PINK1: variants seen among roughly 807,000 people sequenced by gnomAD.
PINK1 encodes PTEN induced kinase 1, also known as serine/threonine-protein kinase PINK1, mitochondrial.
A neutral mutation model predicts 56.0 loss-of-function variants in PINK1; 58 were observed. The ratio of observed to expected loss-of-function variants is 1.04; its 90% CI spans 0.84 to 1.29. The LOEUF (loss-of-function observed/expected upper bound fraction) is 1.29, where lower values mean the gene tolerates loss of function less well. Among genes scored for constraint, PINK1 ranks in the 50% most tolerant of loss-of-function variants. The probability of loss-of-function intolerance (pLI) is 0.00; values close to 1 mark genes in which losing one functional copy is unlikely to be tolerated. For synonymous variants in PINK1, 354 were observed against 339.3 expected (o/e 1.04, Z -0.48); for missense variants, 745 against 777.9 (o/e 0.96, Z 0.50).
At chr1:20,643,518 T>C (rs931610742) in intron 3 of PINK1, among the ~76,000 whole-genome samples, 1 of 152,242 alleles carries the variant, frequency 6.6e-6, no homozygotes, top group Non-Finnish European at 1.5e-5. Context: ...CAGTCCTTGC[T>C]CTTAGGGAGC....
In PINK1 at chr1:20,650,784, A is replaced by AAGAC; in HGVS notation, c.*96_*99dup. 6.6e-7 allele frequency: 1 copy of AAGAC among 1,519,710 alleles called. No individual in the cohort carries two copies. The highest frequency in any genetic ancestry group is 2.4e-5 in the East Asian group (1 of 41,858). 94.1% of individuals were successfully genotyped at this position (1,519,710 alleles called of 1,614,324 possible). A position where few individuals can be genotyped will look rare whatever the true frequency, so the allele number is the denominator to read the frequency against. On this transcript the variant is annotated 3_prime_UTR_variant, in exon 8 of 8. Coordinates refer to ENST00000321556, the MANE Select transcript of PINK1 (RefSeq NM_032409.3). Reference sequence around the variant, plus strand: ...ATGGTGAGGGTGGGAGTCAGGAGACAAGACAGCGCAGAGAGGGCTGGTTAG... The same window carrying AAGAC: ...ATGGTGAGGGTGGGAGTCAGGAGACAAGACAGACAGCGCAGAGAGGGCTGGTTAG...
intron 7 of PINK1, 81 bp downstream of exon 7, chr1:20,649,312 C>T: frequency 7.0e-7 from 1 of 1,419,190 alleles, no homozygotes; most frequent in Non-Finnish European, 9.9e-7. Flanking sequence ...AGGTTTGGGC[C>T]AGAGCCACAG....
chr1:20,647,217 C>T (rs59345313), intron 5 of PINK1, among the ~76,000 whole-genome samples: 78 of 151,688 alleles, frequency 5.1e-4, no homozygotes, highest in Middle Eastern at 3.4e-3. Context: ...CCACCACGCC[C>T]GGCTAATTTT....
chr1:20,648,654 C>T (rs373068586), intron 6 of PINK1, 22 bp downstream of exon 6: 65 of 1,612,240 alleles, frequency 4.0e-5, no homozygotes, highest in African/African-American at 1.7e-4. Flanking sequence ...GTGTGTCATG[C>T]GCCATCGGCA....
Position 20,644,357 on chromosome 1 carries a change from C to T in PINK1, c.777-133C>T, listed in dbSNP as rs531972491. ...ACCATGTACAGTACCTGGCACATAG[C>T]AAATCTATGATAAACATTTGATAGT... is the stretch of plus-strand genomic sequence containing the variant. On this transcript the variant is annotated intron_variant, in intron 3 of 7. Coordinates refer to ENST00000321556, the MANE Select transcript of PINK1 (RefSeq NM_032409.3). The T allele has an allele frequency of 5.3e-4, 593 of 1,115,778 alleles. 5 individuals are homozygous for T. The highest frequency in any genetic ancestry group is 4.7e-3 in the South Asian group (378 of 80,196). 69.1% of individuals were successfully genotyped at this position (1,115,778 alleles called of 1,614,324 possible). A position where few individuals can be genotyped will look rare whatever the true frequency, so the allele number is the denominator to read the frequency against.
In PINK1 at chr1:20,645,618, G is replaced by A. The variant is rs3738136; in HGVS notation, c.1018G>A (p.Ala340Thr). The A allele has an allele frequency of 0.064, 103,422 of 1,613,752 alleles. 5,875 individuals are homozygous for A. Among genetic ancestry groups the A allele is most frequent in the East Asian group, 0.26 (11,561 of 44,820 alleles). Residue 340 changes from alanine to threonine, a missense_variant, in exon 5 of 8, where the codon GCC becomes ACC. Transcript: ENST00000321556. ...GAACACACCCAGCCCCCGCCTCGCC[G>A]CCATGATGCTGCTGCAGCTGCTGGA... ...CVNTPSPRLA[A>T]MMLLQLLEGV... is the part of the protein sequence containing the mutation.
intron 7 of PINK1, chr1:20,649,551 G>A (rs2053237921): frequency 6.0e-6 from 2 of 334,536 alleles, no homozygotes; most frequent in South Asian, 6.3e-5. Context: ...GATCACTTGG[G>A]ACCAGGAGTT....
Position 20,651,270 on chromosome 1 carries a change from CCTCT to C in PINK1, c.*582_*585del, listed in dbSNP as rs1396417183. ...ACTTGAGGGTTTCCCTCCTGACTAGCCTCTCTTACAGGAATTGTGAAATATTAAA... is the reference window on the plus strand; with the variant it reads ...ACTTGAGGGTTTCCCTCCTGACTAGCCTTACAGGAATTGTGAAATATTAAA... On this transcript the variant is annotated 3_prime_UTR_variant, in exon 8 of 8. Coordinates refer to ENST00000321556, the MANE Select transcript of PINK1 (RefSeq NM_032409.3). 1.3e-4 allele frequency: 21 copies of C among 165,594 alleles called. No homozygotes were observed. In the East Asian group the frequency reaches 3.0e-3, roughly 24 times the overall value. The allele number at this position is 165,594 out of a possible 1,614,324, so 10.3% of individuals were successfully genotyped here.
rs1266466849 is a variant in PINK1, at chr1:20,648,974, TCACC to T, written c.1252-17_1252-14del. On this transcript the variant is annotated splice_polypyrimidine_tract_variant and intron_variant, in intron 6 of 7. Coordinates refer to ENST00000321556, the MANE Select transcript of PINK1 (RefSeq NM_032409.3). ...TTAGATGGGCGGGCAGCGTGATGTC[TCACC>T]CACTGCTTCTGAGCAGGTGTCCACG... 1.2e-6 allele frequency: 2 copies of T among 1,609,634 alleles called. No homozygotes were observed. Among genetic ancestry groups the T allele is most frequent in the Admixed American group, 3.3e-5 (2 of 60,024 alleles).
At chr1:20,645,766 AGG>A in intron 5 of PINK1, 43 bp downstream of exon 5, 2 of 1,612,942 alleles carry the variant, frequency 1.2e-6, no homozygotes, top group East Asian at 4.5e-5. Flanking sequence ...GGGGCACTAG[AGG>A]GTGGGTCAGG....
Position 20,645,572 on chromosome 1 carries a change from C to T in PINK1, c.972C>T (p.Thr324=), listed in dbSNP as rs1373061240. The T allele has an allele frequency of 1.9e-6, 3 of 1,613,732 alleles. No homozygotes were observed. In the African/African-American group the frequency reaches 4.0e-5, roughly 22 times the overall value. The part of the protein sequence containing the change: ...LFLVMKNYPC[T]LRQYLCVNTP... ...CCCTCTCCGCCAGCTATCCCTGTAC[C>T]CTGCGCCAGTACCTTTGTGTGAACA... The change falls in exon 5 of 8, where the codon ACC becomes ACT. Residue 324 remains threonine, a synonymous_variant. Coordinates refer to ENST00000321556, the MANE Select transcript of PINK1 (RefSeq NM_032409.3).
chr1:20,637,464 G>T (rs1163861211), intron 1 of PINK1, among the ~76,000 whole-genome samples: 1 of 152,162 alleles, frequency 6.6e-6, no homozygotes, highest in African/African-American at 2.4e-5. Context: ...CCTGCTAGTT[G>T]CCCAGGAGCC....
Position 20,639,968 on chromosome 1 carries a change from G to A in PINK1, c.752G>A (p.Gly251Glu), listed in dbSNP as rs763628949. The A allele has an allele frequency of 1.2e-6, 2 of 1,611,266 alleles. No homozygotes were observed. The highest frequency in any genetic ancestry group is 3.3e-5 in the Admixed American group (2 of 59,786). The change falls in exon 3 of 8, where the codon GGG (glycine) becomes GAG (glutamate). Residue 251 changes from glycine to glutamate, a missense_variant. Gly to Glu is a moderately conservative substitution (Grantham distance 98, BLOSUM62 -2). Transcript: ENST00000321556. ...LVPASRVALA[G>E]EYGAVTYRKS... is the part of the protein sequence containing the mutation. ...CCAGCGAGCCGAGTGGCCTTGGCTGGGGAGTATGGAGCAGTCACTTACAGG... is the reference window on the plus strand; with the variant it reads ...CCAGCGAGCCGAGTGGCCTTGGCTGAGGAGTATGGAGCAGTCACTTACAGG...
chr1:20,647,671 A>G (rs556266039), intron 5 of PINK1, among the ~76,000 whole-genome samples: 1 of 150,694 alleles, frequency 6.6e-6, no homozygotes, highest in Admixed American at 6.6e-5. Context: ...GGGTTTCACC[A>G]TGTTGGTCAG....
chr1:20,642,189 C>T (rs2053122678), intron 3 of PINK1, among the ~76,000 whole-genome samples: 1 of 152,184 alleles, frequency 6.6e-6, no homozygotes, highest in Non-Finnish European at 1.5e-5. Context: ...TAGGCTCTGC[C>T]CCATTCGCTT....
Position 20,650,586 on chromosome 1 carries a change from G to A in PINK1, c.1641G>A (p.Lys547=), listed in dbSNP as rs1192758278. Residue 547 remains lysine, a synonymous_variant, in exon 8 of 8, where the codon AAG becomes AAA. Coordinates refer to ENST00000321556, the MANE Select transcript of PINK1 (RefSeq NM_032409.3). ...ATLLANRLTE[K]CCVETKMKML... ...TGTTGGCCAACAGGCTCACAGAGAA[G>A]TGTTGTGTGGAAACAAAAATGAAGA... 3.1e-6 allele frequency: 5 copies of A among 1,614,230 alleles called. No individual in the cohort carries two copies. The South Asian group carries it at 5.5e-5, about 18-fold the overall frequency.
chr1:20,633,572 C>T lies in PINK1; in HGVS notation c.24C>T (p.Gly8=). MAVRQAL[G]RGLQLGRALL... is the part of the protein sequence containing the mutation. ...CCATGGCGGTGCGACAGGCGCTGGGCCGCGGCCTGCAGCTGGGTCGAGCGC... is the reference window on the plus strand; with the variant it reads ...CCATGGCGGTGCGACAGGCGCTGGGTCGCGGCCTGCAGCTGGGTCGAGCGC... Residue 8 remains glycine, a synonymous_variant, in exon 1 of 8, where the codon GGC becomes GGT. Coordinates refer to ENST00000321556, the MANE Select transcript of PINK1 (RefSeq NM_032409.3). 6.7e-6 allele frequency: 8 copies of T among 1,196,476 alleles called. No individual in the cohort carries two copies. The highest frequency in any genetic ancestry group is 8.3e-6 in the Non-Finnish European group (8 of 965,908). The allele number at this position is 1,196,476 out of a possible 1,614,324, so 74.1% of individuals were successfully genotyped here. A position where few individuals can be genotyped will look rare whatever the true frequency, so the allele number is the denominator to read the frequency against.
Position 20,649,331 on chromosome 1 carries a change from C to T in PINK1, c.1488+100C>T, listed in dbSNP as rs1424144674. The T allele has an allele frequency of 5.5e-6, 7 of 1,272,156 alleles. No individual in the cohort carries two copies. The East Asian group carries it at 1.6e-4, about 30-fold the overall frequency. 78.8% of individuals were successfully genotyped at this position (1,272,156 alleles called of 1,614,324 possible). On this transcript the variant is annotated intron_variant, in intron 7 of 7. Transcript: ENST00000321556. ...TTGGGCCAGAGCCACAGTGACAGATCCTCTGTGTTAGGAAGGTAAAGGCTA... is the reference window on the plus strand; with the variant it reads ...TTGGGCCAGAGCCACAGTGACAGATTCTCTGTGTTAGGAAGGTAAAGGCTA...
At position 20,638,061 on chromosome 1, in the gene PINK1, G is replaced by T; in HGVS notation, c.607G>T (p.Glu203Ter). The stretch of plus-strand genomic sequence containing the variant: ...AGGCCCAGGTACCAGTGCACCAGGA[G>T]AAGGGCAGGAGCGAGCTCCGGGGGC... ...GRGPGTSAPG[E>*]GQERAPGAPA... Residue 203 changes from glutamate to a stop codon, truncating the protein, a stop_gained, in exon 2 of 8, where the codon GAA (glutamate) becomes TAA (stop). Transcript: ENST00000321556. LOFTEE classifies it high-confidence loss of function. 1 of 1,614,214 alleles carries T rather than the reference G, an allele frequency of 6.2e-7. No individual in the cohort carries two copies. Among genetic ancestry groups the T allele is most frequent in the South Asian group, 1.1e-5 (1 of 91,082 alleles).
Sources: gnomAD v4.1 joint callset for allele counts (sites outside exome capture counted in the v4.1 genomes callset) on GRCh38, gnomAD v4.1.1 for gene constraint, MANE v1.5 for transcripts, NCBI Gene and HGNC (gene_info 2026-07-23, HGNC 2026-07-21) for gene names.